The following ATP8A2 variants were observed in gnomAD, a reference collection of about 807,000 sequenced individuals.
The protein encoded by ATP8A2 is phospholipid-transporting ATPase IB.
Under a neutral mutation model 165.6 loss-of-function variants are expected in ATP8A2, and 100 were observed. The ratio of observed to expected loss-of-function variants is 0.60; its 90% CI spans 0.51 to 0.71. The LOEUF (loss-of-function observed/expected upper bound fraction) is 0.71. ATP8A2 is among the 30% of genes least tolerant of loss of function. ATP8A2 has a pLI of 0.00. For synonymous variants in ATP8A2, 543 were observed against 548.8 expected, an observed-to-expected ratio of 0.99 and a Z score of 0.15; for missense variants, 1,227 against 1,479.5, an observed-to-expected ratio of 0.83 and a Z score of 2.80.
chr13:25,767,657 C>T (rs1460055803), intron 25 of ATP8A2, among the ~76,000 whole-genome samples: 3 of 152,276 alleles, frequency 2.0e-5, no homozygotes, highest in Non-Finnish European at 4.4e-5. Flanking sequence ...GTCGCACCTA[C>T]TGCAGGAGGC....
Position 25,542,019 on chromosome 13 carries a change from C to T in ATP8A2, c.752C>T (p.Thr251Ile). The T allele has an allele frequency of 6.2e-7, 1 of 1,614,090 alleles. No individual in the cohort carries two copies. The highest frequency in any genetic ancestry group is 8.5e-7 in the Non-Finnish European group (1 of 1,179,950). Residue 251 changes from threonine to isoleucine, a missense_variant, in exon 9 of 37, where the codon ACT (threonine) becomes ATT (isoleucine). By Grantham distance (89) the Thr-to-Ile change is moderately conservative (BLOSUM62 -1). This residue lies in a region of ATP8A2 where 356 missense variants were observed against 394.9 expected (regional missense o/e 0.90). Transcript: ENST00000381655. The part of the protein sequence containing the change: ...EGPNRHLYDF[T>I]GNLNLDGKSL... ...CCCAACCGCCACCTCTATGACTTCA[C>T]TGGAAACTTGAACTTAGATGGGAAA... is the stretch of plus-strand genomic sequence containing the variant.
intron 1 of ATP8A2, among the ~76,000 whole-genome samples, chr13:25,432,987 G>C (rs955551605): frequency 2.6e-5 from 4 of 152,166 alleles, no homozygotes; most frequent in Non-Finnish European, 5.9e-5. Flanking sequence ...CTTCAGTGAG[G>C]CTCCTTATGT....
At position 25,481,942 on chromosome 13, in the gene ATP8A2, A is replaced by G. The variant is rs149214738; in HGVS notation, c.221+12821A>G. On this transcript the variant is annotated intron_variant, in intron 2 of 36. Transcript: ENST00000381655. ...CAAAAGGGCCCAACAGTAGCATCCCATCACATTGGGGGTTAGGGCTTCAAC... is the reference window on the plus strand; with the variant it reads ...CAAAAGGGCCCAACAGTAGCATCCCGTCACATTGGGGGTTAGGGCTTCAAC... Among the ~76,000 whole-genome samples the G allele has an allele frequency of 4.9e-3, 753 of 152,226 alleles. 5 individuals are homozygous for G. Among genetic ancestry groups the G allele is most frequent in the African/African-American group, 0.018 (730 of 41,534 alleles).
chr13:25,658,581 G>A (rs370651085), intron 24 of ATP8A2, among the ~76,000 whole-genome samples: 1 of 152,332 alleles, frequency 6.6e-6, no homozygotes, highest in East Asian at 1.9e-4. Flanking sequence ...AGAGGTTGCA[G>A]TGAGCAGAGA....
At position 25,901,225 on chromosome 13, in the gene ATP8A2, C is replaced by T. The variant is rs9578935; in HGVS notation, c.3183+38817C>T. ...CAAACTGCATTGTACTGGAAGGGGC[C>T]GATGAATAGTGCTGGGTCAAGGGTT... On this transcript the variant is annotated intron_variant, in intron 33 of 36. Transcript: ENST00000381655. Among the ~76,000 whole-genome samples the T allele has an allele frequency of 8.8e-3, 1,340 of 151,914 alleles. 15 individuals carry two copies. The highest frequency in any genetic ancestry group is 0.028 in the African/African-American group (1,167 of 41,412).
At chr13:25,955,786 A>G (rs1381872942) in intron 33 of ATP8A2, among the ~76,000 whole-genome samples, 1 of 152,244 alleles carries the variant, frequency 6.6e-6, no homozygotes, top group African/African-American at 2.4e-5. Flanking sequence ...TGAGGCCAGC[A>G]TCATCCTGAT....
intron 1 of ATP8A2, among the ~76,000 whole-genome samples, chr13:25,451,907 T>G (rs1021237780): frequency 5.3e-5 from 8 of 150,964 alleles, no homozygotes; most frequent in Admixed American, 6.6e-5. Context: ...CAGGCTGGAG[T>G]GCAGTGGCGT....
At chr13:25,776,693 A>G (rs962975435) in intron 27 of ATP8A2, among the ~76,000 whole-genome samples, 2 of 152,086 alleles carry the variant, frequency 1.3e-5, no homozygotes, top group Non-Finnish European at 2.9e-5. Context: ...AAGGTCATGG[A>G]CGATAGTGTA....
At chr13:25,730,558 A>G (rs1484341587) in intron 25 of ATP8A2, among the ~76,000 whole-genome samples, 4 of 152,160 alleles carry the variant, frequency 2.6e-5, no homozygotes, top group Admixed American at 2.6e-4. Context: ...TATCTGTCAC[A>G]CTCACAAGTA....
At chr13:25,632,534 G>T (rs1037617035) in intron 24 of ATP8A2, among the ~76,000 whole-genome samples, 15 of 152,158 alleles carry the variant, frequency 9.9e-5, no homozygotes, top group African/African-American at 3.6e-4. Context: ...GGGATGAAGA[G>T]CAAATACATA....
chr13:25,542,694 T>C (rs1376061562), intron 9 of ATP8A2, among the ~76,000 whole-genome samples: 1 of 152,132 alleles, frequency 6.6e-6, no homozygotes, highest in Non-Finnish European at 1.5e-5. Flanking sequence ...GACCTGATCA[T>C]AGGAATCAAC....
intron 6 of ATP8A2, chr13:25,534,053 T>C: frequency 2.2e-6 from 1 of 445,466 alleles, no homozygotes; most frequent in Non-Finnish European, 4.5e-6. Flanking sequence ...GTGGTTCTTC[T>C]TGCTAAATAA....
At chr13:25,632,921 CAG>C (rs2041278483) in intron 24 of ATP8A2, among the ~76,000 whole-genome samples, 2 of 152,314 alleles carry the variant, frequency 1.3e-5, no homozygotes, top group South Asian at 4.1e-4. Context: ...AAGTTACTCT[CAG>C]AGTCACAGTC....
intron 33 of ATP8A2, among the ~76,000 whole-genome samples, chr13:25,872,790 A>G (rs145385876): frequency 8.2e-4 from 125 of 152,348 alleles, no homozygotes; most frequent in African/African-American, 2.6e-3. Flanking sequence ...TTAAAAGACC[A>G]AAAAGAAATT....
At chr13:25,652,590 C>A (rs1483391853) in intron 24 of ATP8A2, among the ~76,000 whole-genome samples, 1 of 152,180 alleles carries the variant, frequency 6.6e-6, no homozygotes, top group African/African-American at 2.4e-5. Flanking sequence ...ATGTGATCAT[C>A]TTTTCCATGT....
intron 1 of ATP8A2, among the ~76,000 whole-genome samples, chr13:25,375,145 A>AACTATC (rs2032572076): frequency 6.6e-6 from 1 of 152,190 alleles, no homozygotes; most frequent in Admixed American, 6.5e-5. Flanking sequence ...TCTTGCCCGT[A>AACTATC]TAGTGCTTAC....
chr13:25,804,779 T>C (rs918139612), intron 27 of ATP8A2, among the ~76,000 whole-genome samples: 1 of 152,172 alleles, frequency 6.6e-6, no homozygotes, highest in African/African-American at 2.4e-5. Flanking sequence ...CTCAACTTAG[T>C]GCGCAGAAAA....
intron 1 of ATP8A2, among the ~76,000 whole-genome samples, chr13:25,426,445 T>C (rs1748587): frequency 0.68 from 103,688 of 151,984 alleles, 36,243 homozygotes; most frequent in East Asian, 0.99. Context: ...CCCACCAGGC[T>C]CCACCTCCAA....
intron 2 of ATP8A2, among the ~76,000 whole-genome samples, chr13:25,497,774 T>C (rs1219066037): frequency 6.6e-6 from 1 of 151,854 alleles, no homozygotes; most frequent in Admixed American, 6.6e-5. Flanking sequence ...GCTAATACGG[T>C]GAAACCCTGT....
Sources: allele counts gnomAD v4.1 joint callset (sites outside exome capture counted in the v4.1 genomes callset), GRCh38; gene constraint gnomAD v4.1.1; regional missense constraint gnomAD v4.1.1; transcripts MANE v1.5; gene names NCBI Gene and HGNC (gene_info 2026-07-23, HGNC 2026-07-21).